Variants in SGTA observed in about 807,000 individuals in gnomAD.
SGTA encodes the protein small glutamine-rich tetratricopeptide repeat-containing protein alpha.
A neutral mutation model predicts 44.3 loss-of-function variants in SGTA; 22 were observed. The ratio of observed to expected loss-of-function variants is 0.50; its 90% confidence interval spans 0.36 to 0.71. The LOEUF (loss-of-function observed/expected upper bound fraction) is 0.71, where lower values mean the gene tolerates loss of function less well. Ranked by LOEUF, SGTA falls within the 30% of genes least tolerant of loss-of-function variation. SGTA has a pLI of 0.00. For synonymous variants in SGTA, 174 were observed against 177.6 expected (o/e 0.98, Z 0.16); for missense variants, 341 against 435.9 (o/e 0.78, Z 1.94).
rs983762847 is a variant in SGTA at position 2,761,391 on chromosome 19, G to T, written c.699+69C>A. ...AGGCAAGGAAGCCCTGGCCAGTAGCGGACACAGCAGATGCGGGCCTGGGGG... is the reference window on the plus strand; with the variant it reads ...AGGCAAGGAAGCCCTGGCCAGTAGCTGACACAGCAGATGCGGGCCTGGGGG... On this transcript the variant is annotated intron_variant, in intron 8 of 11. Transcript: ENST00000221566. The surrounding 1 kb of genome is among the most constrained non-coding windows in gnomAD (Gnocchi z 5.7). 3.7e-6 allele frequency: 5 copies of T among 1,353,950 alleles called. No individual in the cohort carries two copies. The South Asian group carries it at 5.0e-5, about 14-fold the overall frequency. The allele number at this position is 1,353,950 out of a possible 1,614,324, so 83.9% of individuals were successfully genotyped here. A position where few individuals can be genotyped will look rare whatever the true frequency, so the allele number is the denominator to read the frequency against.
rs1040874847 is a variant in SGTA at position 2,763,460 on chromosome 19, G to A, written c.497+193C>T. Among the ~76,000 whole-genome samples the A allele has an allele frequency of 6.6e-6, 1 of 152,178 alleles. No individual in the cohort carries two copies. Reference sequence around the variant, plus strand: ...GGGATCTCCGGGTGGCACCTGATGCGGGGCGTCTGTGGGGCTGAGCCTGTG... The same window carrying A: ...GGGATCTCCGGGTGGCACCTGATGCAGGGCGTCTGTGGGGCTGAGCCTGTG... On this transcript the variant is annotated intron_variant, in intron 6 of 11. Transcript: ENST00000221566. The surrounding 1 kb of genome is among the most constrained non-coding windows in gnomAD (Gnocchi z 5.8).
intron 1 of SGTA, among the ~76,000 whole-genome samples, chr19:2,781,881 G>A (rs1215787532): frequency 1.4e-5 from 2 of 147,028 alleles, no homozygotes; most frequent in East Asian, 2.0e-4. Context: ...TCGCTCTGTC[G>A]CCCAGGCTGG....
rs567383826 is a variant in SGTA at position 2,761,108 on chromosome 19, C to T, written c.699+352G>A. On this transcript the variant is annotated intron_variant, in intron 8 of 11. Transcript: ENST00000221566. This position sits in a 1 kb window ranked among gnomAD's most constrained non-coding sequence, Gnocchi z 5.7. ...CTGTGTTGTGATCAGTGTCTCTGCACTGCGAGGAGGAGCCCACGCCAGGGT... is the reference window on the plus strand; with the variant it reads ...CTGTGTTGTGATCAGTGTCTCTGCATTGCGAGGAGGAGCCCACGCCAGGGT... 1.3e-5 allele frequency among the ~76,000 whole-genome samples: 2 copies of T among 152,354 alleles called. No homozygotes were observed. Among genetic ancestry groups the T allele is most frequent in the South Asian group, 4.1e-4 (2 of 4,832 alleles).
Position 2,767,362 on chromosome 19 carries a change from C to T in SGTA, c.208-142G>A. ...CTGCAGGGGACTCCTGGCCCCCCATCATGTGGCCCTGGGCGAGTGACCACA... is the reference window on the plus strand; with the variant it reads ...CTGCAGGGGACTCCTGGCCCCCCATTATGTGGCCCTGGGCGAGTGACCACA... On this transcript the variant is annotated intron_variant, in intron 3 of 11. Coordinates refer to ENST00000221566, the MANE Select transcript of SGTA (RefSeq NM_003021.4). This position sits in a 1 kb window ranked among gnomAD's most constrained non-coding sequence, Gnocchi z 7.3. The T allele has an allele frequency of 1.3e-6, 1 of 742,354 alleles. No individual in the cohort carries two copies. Among genetic ancestry groups the T allele is most frequent in the Non-Finnish European group, 2.2e-6 (1 of 450,802 alleles). 46.0% of individuals were successfully genotyped at this position (742,354 alleles called of 1,614,324 possible). A position where few individuals can be genotyped will look rare whatever the true frequency, so the allele number is the denominator to read the frequency against.
At chr19:2,777,885 C>G (rs1419660922) in intron 1 of SGTA, 3 of 151,858 alleles carry the variant, frequency 2.0e-5, no homozygotes, top group Non-Finnish European at 4.4e-5. Flanking sequence ...GGTGTGGTGG[C>G]GGGTGCCTGT....
At chr19:2,759,220 C>T (rs776645188) in intron 9 of SGTA, 37 bp downstream of exon 9, 1 of 1,602,992 alleles carries the variant, frequency 6.2e-7, no homozygotes, top group South Asian at 1.1e-5. Flanking sequence ...GGAAATTTAA[C>T]CACAACAAGA....
At chr19:2,782,852 T>C (rs1212989682) in intron 1 of SGTA, among the ~76,000 whole-genome samples, 1 of 150,948 alleles carries the variant, frequency 6.6e-6, no homozygotes, top group East Asian at 2.0e-4. Context: ...GGAACCAGAG[T>C]TCCGACTTCA....
chr19:2,776,175 C>CA (rs1312629613), intron 1 of SGTA, among the ~76,000 whole-genome samples: 1 of 152,224 alleles, frequency 6.6e-6, no homozygotes. Flanking sequence ...TCCTGACCCC[C>CA]AAGCCCAAGG....
rs1915120324 is a variant in SGTA at position 2,765,741 on chromosome 19, GT to G, written c.293-457del. On this transcript the variant is annotated intron_variant, in intron 4 of 11. Coordinates refer to ENST00000221566, the MANE Select transcript of SGTA (RefSeq NM_003021.4). The surrounding 1 kb of genome is among the most constrained non-coding windows in gnomAD (Gnocchi z 5.5). ...AATGGGGCTTCTATCTGAGGCATGG[GT>G]CCCAGCTGGTAGGACGGTAAAAACC... Among the ~76,000 whole-genome samples the G allele has an allele frequency of 6.6e-6, 1 of 152,106 alleles. No individual in the cohort carries two copies. Among genetic ancestry groups the G allele is most frequent in the South Asian group, 2.1e-4 (1 of 4,818 alleles).
intron 2 of SGTA, among the ~76,000 whole-genome samples, chr19:2,768,602 G>T (rs1297592430): frequency 6.6e-6 from 1 of 152,210 alleles, no homozygotes; most frequent in Non-Finnish European, 1.5e-5. Context: ...TCTGGGGCGG[G>T]GCCAGCACTA....
chr19:2,779,016 C>T (rs990099636), intron 1 of SGTA, among the ~76,000 whole-genome samples: 2 of 152,214 alleles, frequency 1.3e-5, no homozygotes, highest in East Asian at 1.9e-4. Context: ...GTCCTGCGCA[C>T]GGCAGGGGGC....
intron 1 of SGTA, among the ~76,000 whole-genome samples, chr19:2,775,916 T>C (rs912097477): frequency 3.9e-5 from 6 of 152,226 alleles, no homozygotes; most frequent in African/African-American, 1.4e-4. Flanking sequence ...AGTTACGGTC[T>C]TCCTGAAAGC....
intron 8 of SGTA, among the ~76,000 whole-genome samples, chr19:2,760,517 C>CAAAAAAAAA (rs58836148): frequency 1.9e-5 from 1 of 51,640 alleles, no homozygotes; most frequent in African/African-American, 6.9e-5. Flanking sequence ...GACTCCATCT[C>CAAAAAAAAA]AAAAAAAAAA....
intron 9 of SGTA, 78 bp from the exon 10 acceptor site, chr19:2,757,860 G>C: frequency 1.0e-6 from 1 of 959,738 alleles, no homozygotes; most frequent in South Asian, 1.8e-5. Context: ...AGTGGCCCGG[G>C]AGAGAATCCC....
intron 7 of SGTA, 33 bp downstream of exon 7, chr19:2,762,473 C>T (rs759712379): frequency 3.7e-5 from 60 of 1,611,064 alleles, no homozygotes; most frequent in Non-Finnish European, 4.8e-5. Context: ...GTCAGCTCGG[C>T]GTTCTGGAGC....
chr19:2,761,472 G>A lies in SGTA; in HGVS notation c.687C>T (p.Gly229=). 1 of 1,551,648 alleles carries A rather than the reference G, an allele frequency of 6.4e-7. No homozygotes were observed. ...FDIAGLLNNP[G]FMSMASNLMN... ...GGCGGGCCGTTACCATGCTCATGAAGCCAGGGTTGTTCAGCAGGCCGGCGA... is the reference window on the plus strand; with the variant it reads ...GGCGGGCCGTTACCATGCTCATGAAACCAGGGTTGTTCAGCAGGCCGGCGA... Residue 229 remains glycine (G), a synonymous_variant, in exon 8 of 12, where the codon GGC becomes GGT. Coordinates refer to ENST00000221566, the MANE Select transcript of SGTA (RefSeq NM_003021.4). The surrounding 1 kb of genome is among the most constrained non-coding windows in gnomAD (Gnocchi z 5.7).
intron 8 of SGTA, among the ~76,000 whole-genome samples, chr19:2,760,517 C>CA (rs58836148): frequency 0.17 from 8,137 of 47,804 alleles, 805 homozygotes; most frequent in African/African-American, 0.34. Flanking sequence ...GACTCCATCT[C>CA]AAAAAAAAAA....
intron 7 of SGTA, 31 bp downstream of exon 7, chr19:2,762,475 T>C (rs1915023956): frequency 6.2e-7 from 1 of 1,612,138 alleles, no homozygotes; most frequent in Admixed American, 1.7e-5. Flanking sequence ...CAGCTCGGCG[T>C]TCTGGAGCCA....
Position 2,761,437 on chromosome 19 carries a change from A to G in SGTA, c.699+23T>C, listed in dbSNP as rs1309037810. 43 of 1,548,254 alleles carry G rather than the reference A, an allele frequency of 2.8e-5. No homozygotes were observed. Among genetic ancestry groups the G allele is most frequent in the Non-Finnish European group, 3.8e-5 (43 of 1,144,264 alleles). On this transcript the variant is annotated intron_variant, in intron 8 of 11. Transcript: ENST00000221566. The surrounding 1 kb of genome is among the most constrained non-coding windows in gnomAD (Gnocchi z 5.7). Reference sequence around the variant, plus strand: ...GGGGGGTGGCGCAGACACCATGGACAGGGAGGAGGGGCGGGCCGTTACCAT... The same window carrying G: ...GGGGGGTGGCGCAGACACCATGGACGGGGAGGAGGGGCGGGCCGTTACCAT...
Sources: gnomAD v4.1 joint callset for allele counts (sites outside exome capture counted in the v4.1 genomes callset) on GRCh38, gnomAD v4.1.1 for gene constraint, Gnocchi (gnomAD v3.1) non-coding constraint, MANE v1.5 for transcripts, NCBI Gene and HGNC (gene_info 2026-07-23, HGNC 2026-07-21) for gene names.